Variants in ANKS1A observed in about 807,000 individuals in gnomAD.
ANKS1A encodes ankyrin repeat and sterile alpha motif domain containing 1A.
Under a neutral mutation model 120.3 loss-of-function variants are expected in ANKS1A, and 55 were observed. The observed-to-expected ratio is 0.46, with a 90% CI of 0.37 to 0.57. ANKS1A has a LOEUF of 0.57. ANKS1A is among the 20% of genes least tolerant of loss of function. ANKS1A has a pLI of 0.00. For missense variants in ANKS1A, 1,123 were observed against 1,480.3 expected (o/e 0.76, Z 3.96); for synonymous variants, 590 against 604.7 (o/e 0.98, Z 0.36).
chr6:34,889,637 C>A lies in ANKS1A; in HGVS notation c.197+38C>A. On this transcript the variant is annotated intron_variant, in intron 1 of 23. Coordinates refer to ENST00000360359, the MANE Select transcript of ANKS1A (RefSeq NM_015245.3). This position sits in a 1 kb window ranked among gnomAD's most constrained non-coding sequence, Gnocchi z 5.5. ...CAGGGCCGGGCCGCTGCCTGCAGAC[C>A]CTTTCTCCCCCACCCGTCTCTTGGG... The A allele has an allele frequency of 7.9e-7, 1 of 1,268,582 alleles. No individual in the cohort carries two copies. The highest frequency in any genetic ancestry group is 9.9e-7 in the Non-Finnish European group (1 of 1,009,356). 78.6% of individuals were successfully genotyped at this position (1,268,582 alleles called of 1,614,324 possible). A position where few individuals can be genotyped will look rare whatever the true frequency, so the allele number is the denominator to read the frequency against.
At chr6:35,039,089 T>TGGG (rs200148265) in intron 11 of ANKS1A, among the ~76,000 whole-genome samples, 1 of 41,368 alleles carries the variant, frequency 2.4e-5, no homozygotes, top group African/African-American at 4.8e-5. Context: ...TGTGTGTGTG[T>TGGG]GTGGGGGGGG....
At chr6:35,031,152 G>A (rs1774887423) in intron 11 of ANKS1A, among the ~76,000 whole-genome samples, 1 of 152,170 alleles carries the variant, frequency 6.6e-6, no homozygotes, top group Non-Finnish European at 1.5e-5. Flanking sequence ...GTTCTGTGGA[G>A]TGGAGGTGTT....
At position 35,032,002 on chromosome 6, in the gene ANKS1A, C is replaced by T. The variant is rs1774932854; in HGVS notation, c.2010+13943C>T. On this transcript the variant is annotated intron_variant, in intron 11 of 23. Coordinates refer to ENST00000360359, the MANE Select transcript of ANKS1A (RefSeq NM_015245.3). ...TAGAGGCTTAGTCACTCATTCACCA[C>T]ACTGATGGAGAGCCTACTGTGTGCT... Among the ~76,000 whole-genome samples the T allele has an allele frequency of 5.3e-5, 8 of 152,206 alleles. No individual in the cohort carries two copies. The South Asian group carries it at 1.7e-3, about 32-fold the overall frequency.
chr6:34,976,508 C>T (rs892406803), intron 3 of ANKS1A, among the ~76,000 whole-genome samples: 12 of 152,048 alleles, frequency 7.9e-5, no homozygotes, highest in African/African-American at 2.7e-4. Context: ...AATATTAGGG[C>T]AGATCTATTT....
chr6:34,912,395 T>C (rs559924870), intron 1 of ANKS1A, among the ~76,000 whole-genome samples: 20 of 152,308 alleles, frequency 1.3e-4, no homozygotes, highest in Admixed American at 3.3e-4. Context: ...AGCAGTCCTT[T>C]AGAAGGGACG....
rs1364667502 is a variant in ANKS1A, at chr6:35,090,978, G to A, written c.*2369G>A. ...GCGTCAGACACTAATGGGAGTTCCC[G>A]AGATGCTCGGGTTTGAGCAGGGAGC... On this transcript the variant is annotated 3_prime_UTR_variant, in exon 24 of 24. Coordinates refer to ENST00000360359, the MANE Select transcript of ANKS1A (RefSeq NM_015245.3). 5.1e-6 allele frequency: 5 copies of A among 985,788 alleles called. No homozygotes were observed. Among genetic ancestry groups the A allele is most frequent in the East Asian group, 1.1e-4 (1 of 8,834 alleles). 61.1% of individuals were successfully genotyped at this position (985,788 alleles called of 1,614,324 possible). A position where few individuals can be genotyped will look rare whatever the true frequency, so the allele number is the denominator to read the frequency against.
At chr6:34,973,268 A>G (rs189355419) in intron 3 of ANKS1A, among the ~76,000 whole-genome samples, 1 of 152,118 alleles carries the variant, frequency 6.6e-6, no homozygotes, top group Non-Finnish European at 1.5e-5. Context: ...TCTCTGCTTG[A>G]TCACTCTTGA....
chr6:34,993,075 C>G (rs1407472554), intron 9 of ANKS1A, among the ~76,000 whole-genome samples: 1 of 152,194 alleles, frequency 6.6e-6, no homozygotes, highest in African/African-American at 2.4e-5. Context: ...CTCCCACCCC[C>G]TTGTTTGTAA....
chr6:34,979,595 GTT>G (rs908686658), intron 3 of ANKS1A, among the ~76,000 whole-genome samples: 1 of 146,998 alleles, frequency 6.8e-6, no homozygotes. Context: ...TGTTTTTTTG[GTT>G]TTTTTTTTTC....
chr6:34,927,411 G>T (rs896224799), intron 1 of ANKS1A, among the ~76,000 whole-genome samples: 24 of 152,108 alleles, frequency 1.6e-4, no homozygotes, highest in African/African-American at 5.3e-4. Flanking sequence ...GGGATGGGAG[G>T]TGAGGGATAT....
chr6:34,999,951 A>G (rs977272305), intron 10 of ANKS1A, among the ~76,000 whole-genome samples: 1 of 151,696 alleles, frequency 6.6e-6, no homozygotes, highest in Non-Finnish European at 1.5e-5. Context: ...AAGGAAAGTC[A>G]GAGAGAGAGA....
intron 1 of ANKS1A, among the ~76,000 whole-genome samples, chr6:34,904,801 T>TTTC (rs1404442171): frequency 3.2e-4 from 48 of 152,294 alleles, no homozygotes; most frequent in African/African-American, 1.1e-3. Context: ...TTTCTTTTCT[T>TTTC]TTCTTTTTTT....
downstream of ANKS1A, among the ~76,000 whole-genome samples, chr6:35,095,892 T>C (rs1778457844): frequency 6.6e-6 from 1 of 152,254 alleles, no homozygotes; most frequent in African/African-American, 2.4e-5. Flanking sequence ...AACAATTATG[T>C]AATCCTCATT....
intron 10 of ANKS1A, among the ~76,000 whole-genome samples, chr6:35,008,998 G>A (rs909210649): frequency 2.6e-5 from 4 of 152,164 alleles, no homozygotes; most frequent in Non-Finnish European, 2.9e-5. Flanking sequence ...AGAGTAATCC[G>A]GTTTGGCTGG....
chr6:35,057,638 C>T lies in ANKS1A; in HGVS notation c.2078-2509C>T, dbSNP rs114278101. 0.028 allele frequency among the ~76,000 whole-genome samples: 4,339 copies of T among 152,302 alleles called. 95 individuals carry two copies. The highest frequency in any genetic ancestry group is 0.069 in the African/African-American group (2,867 of 41,548). The stretch of plus-strand genomic sequence containing the variant: ...TGGTTTCCCCCTTGCCCTTGGCCAT[C>T]GCTGTCCTCCCCCAGAGTGTGAGTG... On this transcript the variant is annotated intron_variant, in intron 12 of 23. Transcript: ENST00000360359. The surrounding 1 kb of genome is among the most constrained non-coding windows in gnomAD (Gnocchi z 4.1).
chr6:35,063,687 G>C (rs1482482626), intron 13 of ANKS1A, among the ~76,000 whole-genome samples: 1 of 152,206 alleles, frequency 6.6e-6, no homozygotes, highest in African/African-American at 2.4e-5. Flanking sequence ...TTCCTCTTTG[G>C]AGTGTAATCG....
At chr6:34,947,423 A>C (rs1581733178) in intron 1 of ANKS1A, among the ~76,000 whole-genome samples, 1 of 152,278 alleles carries the variant, frequency 6.6e-6, no homozygotes, top group African/African-American at 2.4e-5. Context: ...CTGGAATTAC[A>C]GACGTGAGCC....
intron 1 of ANKS1A, among the ~76,000 whole-genome samples, chr6:34,904,539 C>G (rs1767540588): frequency 6.6e-6 from 1 of 152,132 alleles, no homozygotes; most frequent in African/African-American, 2.4e-5. Context: ...TGAGACCATC[C>G]TGGCTAACAT....
At chr6:34,918,936 C>G (rs968825785) in intron 1 of ANKS1A, among the ~76,000 whole-genome samples, 46 of 152,136 alleles carry the variant, frequency 3.0e-4, no homozygotes, top group African/African-American at 1.1e-3. Flanking sequence ...ACTGCAACAC[C>G]CGCCTCCCGG....
Sources: allele counts gnomAD v4.1 joint callset (sites outside exome capture counted in the v4.1 genomes callset), GRCh38; gene constraint gnomAD v4.1.1; non-coding constraint Gnocchi (gnomAD v3.1); transcripts MANE v1.5; gene names NCBI Gene and HGNC (gene_info 2026-07-23, HGNC 2026-07-21).